SYNPR: variants seen among roughly 807,000 people sequenced by gnomAD.
The protein encoded by SYNPR is synaptoporin.
In SYNPR, 23 loss-of-function variants were observed where a neutral mutation model predicts 32.9. The ratio of observed to expected loss-of-function variants is 0.70; its 90% confidence interval spans 0.50 to 0.99. The LOEUF (loss-of-function observed/expected upper bound fraction) is 0.99, where lower values mean the gene tolerates loss of function less well. SYNPR is among the 50% of genes least tolerant of loss of function. The probability of loss-of-function intolerance (pLI) is 0.00; values close to 1 mark genes in which losing one functional copy is unlikely to be tolerated. For missense variants in SYNPR, 318 were observed against 349.3 expected (o/e 0.91, Z 0.71); for synonymous variants, 146 against 135.9 (o/e 1.07, Z -0.52).
At chr3:63,321,672 G>A (rs2087112219) in intron 2 of SYNPR, among the ~76,000 whole-genome samples, 1 of 152,064 alleles carries the variant, frequency 6.6e-6, no homozygotes, top group South Asian at 2.1e-4. Context: ...ATCACATAGA[G>A]ACACAGATAA....
intron 2 of SYNPR, chr3:63,445,715 A>G (rs964267632): frequency 5.8e-6 from 3 of 516,752 alleles, no homozygotes; most frequent in African/African-American, 5.7e-5. Context: ...TAGGACAAGT[A>G]TGTAACTTAC....
chr3:63,577,175 G>T (rs1703000222), intron 4 of SYNPR, among the ~76,000 whole-genome samples: 1 of 152,200 alleles, frequency 6.6e-6, no homozygotes, highest in South Asian at 2.1e-4. Flanking sequence ...CTGTGAACCA[G>T]GGAGCAGCAT....
At chr3:63,318,065 G>A (rs1199381294) in intron 2 of SYNPR, among the ~76,000 whole-genome samples, 1 of 152,064 alleles carries the variant, frequency 6.6e-6, no homozygotes, top group Non-Finnish European at 1.5e-5. Context: ...TTTGTTTGAG[G>A]AAGCTGAAGA....
intron 2 of SYNPR, among the ~76,000 whole-genome samples, chr3:63,297,412 C>A (rs532533136): frequency 3.3e-5 from 5 of 152,038 alleles, no homozygotes; most frequent in Middle Eastern, 3.4e-3. Flanking sequence ...AACGAATGAC[C>A]TTTTTTATTT....
At chr3:63,530,276 G>A (rs889160599) in intron 3 of SYNPR, among the ~76,000 whole-genome samples, 2 of 152,166 alleles carry the variant, frequency 1.3e-5, no homozygotes, top group Admixed American at 6.5e-5. Flanking sequence ...TAGGGTGAGG[G>A]GGCACACCTA....
At chr3:63,226,696 G>T (rs140815597), upstream of SYNPR, among the ~76,000 whole-genome samples, 1 of 152,104 alleles carries the variant, frequency 6.6e-6, no homozygotes, top group Non-Finnish European at 1.5e-5. Context: ...ACCAGAGTTG[G>T]GGAATGCTGG....
intron 2 of SYNPR, among the ~76,000 whole-genome samples, chr3:63,411,859 A>G (rs11923584): frequency 0.13 from 19,215 of 152,142 alleles, 1,413 homozygotes; most frequent in African/African-American, 0.22. Context: ...GTAGGAGGCT[A>G]TTGAAGAGTT....
intron 2 of SYNPR, 115 bp downstream of exon 2, chr3:63,278,857 A>G: frequency 8.4e-7 from 1 of 1,196,242 alleles, no homozygotes; most frequent in Non-Finnish European, 1.1e-6. Context: ...TTCAACCCTC[A>G]AGCCGGGGAT....
At chr3:63,353,229 G>A (rs1034333195) in intron 2 of SYNPR, among the ~76,000 whole-genome samples, 1 of 152,186 alleles carries the variant, frequency 6.6e-6, no homozygotes, top group African/African-American at 2.4e-5. Context: ...AACAGGAGAG[G>A]ATAATTTTGT....
intron 2 of SYNPR, among the ~76,000 whole-genome samples, chr3:63,454,680 C>G (rs182219585): frequency 5.3e-5 from 8 of 152,160 alleles, no homozygotes; most frequent in Admixed American, 3.9e-4. Flanking sequence ...CACAGGATCT[C>G]TACTTATTTG....
intron 2 of SYNPR, among the ~76,000 whole-genome samples, chr3:63,392,115 C>T (rs1476766978): frequency 1.3e-5 from 2 of 152,118 alleles, no homozygotes; most frequent in South Asian, 2.1e-4. Context: ...ATTTGTGTAA[C>T]GATACATTTA....
intron 3 of SYNPR, among the ~76,000 whole-genome samples, chr3:63,494,470 C>CATATATACAT (rs1225773527): frequency 3.3e-5 from 3 of 91,008 alleles, no homozygotes; most frequent in Admixed American, 1.2e-4. Context: ...CATATATACA[C>CATATATACAT]ATATATACAT....
At chr3:63,262,515 T>C (rs1271400906) in intron 2 of SYNPR, among the ~76,000 whole-genome samples, 2 of 152,154 alleles carry the variant, frequency 1.3e-5, no homozygotes, top group Non-Finnish European at 2.9e-5. Context: ...TACTGTATCC[T>C]TCCAGGACAC....
intron 3 of SYNPR, among the ~76,000 whole-genome samples, chr3:63,270,099 C>G (rs2086521823): frequency 6.6e-6 from 1 of 152,124 alleles, no homozygotes; most frequent in Non-Finnish European, 1.5e-5. Flanking sequence ...CTGGACAAAG[C>G]AGATGCCATT....
intron 2 of SYNPR, among the ~76,000 whole-genome samples, chr3:63,360,971 C>T (rs1448941840): frequency 6.6e-6 from 1 of 152,162 alleles, no homozygotes; most frequent in Non-Finnish European, 1.5e-5. Context: ...GTATTTGGTA[C>T]ATTGCTGAAA....
chr3:63,386,750 G>A lies in SYNPR; in HGVS notation c.85-94082G>A, dbSNP rs181125051. 3.9e-5 allele frequency among the ~76,000 whole-genome samples: 6 copies of A among 152,220 alleles called. No homozygotes were observed. In the South Asian group the frequency reaches 6.2e-4, roughly 16 times the overall value. On this transcript the variant is annotated intron_variant, in intron 2 of 5. Coordinates refer to ENST00000478300, the MANE Select transcript of SYNPR (RefSeq NM_001130003.2). ...AGGGGAGGAGCTGTGCCTCCAGCCC[G>A]GGTCAGCCTGGTGGGAGCCAGTGAG...
At chr3:63,428,524 T>C (rs1289400658) in intron 2 of SYNPR, among the ~76,000 whole-genome samples, 2 of 152,246 alleles carry the variant, frequency 1.3e-5, no homozygotes, top group African/African-American at 2.4e-5. Flanking sequence ...TAATAAATCA[T>C]GTAAAACTCA....
chr3:63,548,487 T>C lies in SYNPR; in HGVS notation c.210-8056T>C, dbSNP rs139518708. 8.7e-3 allele frequency among the ~76,000 whole-genome samples: 1,325 copies of C among 152,262 alleles called. 12 individuals carry two copies. The highest frequency in any genetic ancestry group is 0.012 in the Non-Finnish European group (813 of 68,016). ...CATAAGCTGAGTAAGTAAGAGTGTA[T>C]GTGTGCATCTGTAAATGCACACACA... On this transcript the variant is annotated intron_variant, in intron 3 of 5. Coordinates refer to ENST00000478300, the MANE Select transcript of SYNPR (RefSeq NM_001130003.2).
chr3:63,470,980 C>T (rs1338243860), intron 2 of SYNPR, among the ~76,000 whole-genome samples: 1 of 152,198 alleles, frequency 6.6e-6, no homozygotes, highest in African/African-American at 2.4e-5. Flanking sequence ...GTGCAGTCCC[C>T]AGACTAGTCA....
Sources: gnomAD v4.1 joint callset for allele counts (sites outside exome capture counted in the v4.1 genomes callset) on GRCh38, gnomAD v4.1.1 for gene constraint, MANE v1.5 for transcripts, NCBI Gene and HGNC (gene_info 2026-07-23, HGNC 2026-07-21) for gene names.